Variants in BLOC1S5 observed in about 807,000 individuals in gnomAD.
BLOC1S5 encodes the protein biogenesis of lysosomal organelles complex 1 subunit 5, also known as biogenesis of lysosome-related organelles complex 1 subunit 5.
In BLOC1S5, 27 loss-of-function variants were observed where a neutral mutation model predicts 24.3. That is an observed-to-expected ratio of 1.11 (90% CI 0.82 to 1.53). The LOEUF is 1.53. Ranked by LOEUF, BLOC1S5 falls within the 40% of genes most tolerant of loss-of-function variation. BLOC1S5 has a pLI of 0.00. For synonymous variants in BLOC1S5, 84 were observed against 74.5 expected (o/e 1.13, Z -0.66); for missense variants, 239 against 229.4 (o/e 1.04, Z -0.27).
chr6:8,019,562 G>A (rs944486638), intron 4 of BLOC1S5, among the ~76,000 whole-genome samples: 3 of 143,562 alleles, frequency 2.1e-5, no homozygotes, highest in Non-Finnish European at 4.6e-5. Flanking sequence ...AGCCACCGGC[G>A]CCCGGCCCAT....
At chr6:8,018,245 A>G (rs1762808715) in intron 4 of BLOC1S5, among the ~76,000 whole-genome samples, 1 of 152,238 alleles carries the variant, frequency 6.6e-6, no homozygotes, top group South Asian at 2.1e-4. Context: ...TGAAGAGTTT[A>G]TTAAATCTTC....
At chr6:8,030,271 T>C (rs147904901) in intron 3 of BLOC1S5, among the ~76,000 whole-genome samples, 5,939 of 152,078 alleles carry the variant, frequency 0.039, 369 homozygotes, top group African/African-American at 0.13. Flanking sequence ...GCGATTCTCC[T>C]GCCTCAGCCT....
intron 1 of BLOC1S5, 23 bp downstream of exon 1, chr6:8,064,242 A>G (rs115481281): frequency 0.02 from 31,546 of 1,589,602 alleles, 435 homozygotes; most frequent in South Asian, 0.052. Flanking sequence ...TCCACCAGGA[A>G]CTATAGCCCT....
chr6:8,054,108 T>C (rs994602220), intron 2 of BLOC1S5, among the ~76,000 whole-genome samples: 4 of 152,222 alleles, frequency 2.6e-5, no homozygotes, highest in Admixed American at 2.0e-4. Flanking sequence ...TGACTGTTTA[T>C]TGGTTTCCTA....
chr6:8,020,196 A>T (rs367746713), intron 4 of BLOC1S5, among the ~76,000 whole-genome samples: 1 of 152,206 alleles, frequency 6.6e-6, no homozygotes. Flanking sequence ...AGTCATGGTG[A>T]CAGAAGACAA....
intron 3 of BLOC1S5, among the ~76,000 whole-genome samples, chr6:8,040,667 C>T (rs1247566712): frequency 6.6e-6 from 1 of 152,034 alleles, no homozygotes; most frequent in Non-Finnish European, 1.5e-5. Context: ...ACCACCTTGG[C>T]CAACATGGTG....
chr6:8,020,623 C>A (rs1762886141), intron 4 of BLOC1S5, among the ~76,000 whole-genome samples: 1 of 152,182 alleles, frequency 6.6e-6, no homozygotes, highest in Non-Finnish European at 1.5e-5. Flanking sequence ...CCTAAAACTT[C>A]TGAGTGAGGC....
intron 2 of BLOC1S5, among the ~76,000 whole-genome samples, chr6:8,049,153 A>G (rs1271167256): frequency 6.7e-6 from 1 of 148,266 alleles, no homozygotes; most frequent in Non-Finnish European, 1.5e-5. Context: ...GGCAGATCAC[A>G]TGAGGTCAGG....
At chr6:8,031,493 T>C (rs1056375900) in intron 3 of BLOC1S5, among the ~76,000 whole-genome samples, 2 of 151,900 alleles carry the variant, frequency 1.3e-5, no homozygotes, top group African/African-American at 4.8e-5. Context: ...TGGAAATACA[T>C]CCCATGCTCA....
At chr6:8,032,849 C>G (rs1490076741) in intron 3 of BLOC1S5, among the ~76,000 whole-genome samples, 1 of 152,014 alleles carries the variant, frequency 6.6e-6, no homozygotes, top group Non-Finnish European at 1.5e-5. Flanking sequence ...AAACAGAGAG[C>G]CAAATCATGA....
At chr6:8,016,818 T>C (rs1461685231) in intron 4 of BLOC1S5, among the ~76,000 whole-genome samples, 4 of 145,428 alleles carry the variant, frequency 2.8e-5, no homozygotes, top group Non-Finnish European at 4.5e-5. Flanking sequence ...GAGACAGAGG[T>C]TGCAGTGAGA....
chr6:8,053,657 A>G (rs1314104576), intron 2 of BLOC1S5, among the ~76,000 whole-genome samples: 6 of 152,224 alleles, frequency 3.9e-5, no homozygotes, highest in Non-Finnish European at 1.5e-5. Flanking sequence ...TATTCACGTC[A>G]TTGCAGAGGC....
chr6:8,015,913 C>T, intron 4 of BLOC1S5, 85 bp from the exon 5 acceptor site: 1 of 1,264,094 alleles, frequency 7.9e-7, no homozygotes, highest in Non-Finnish European at 1.1e-6. Context: ...GTTACCGTAA[C>T]AATCAGCTGG....
At chr6:8,033,620 A>T (rs868195637) in intron 3 of BLOC1S5, among the ~76,000 whole-genome samples, 77 of 152,180 alleles carry the variant, frequency 5.1e-4, no homozygotes, top group African/African-American at 1.8e-3. Flanking sequence ...AAGCCAAAAT[A>T]GACAAATGGG....
Position 8,015,673 on chromosome 6 carries a change from G to C in BLOC1S5, c.540C>G (p.Asp180Glu). The C allele has an allele frequency of 6.2e-7, 1 of 1,613,000 alleles. No homozygotes were observed. Among genetic ancestry groups the C allele is most frequent in the East Asian group, 2.2e-5 (1 of 44,868 alleles). The change falls in exon 5 of 5, where the codon GAC (aspartate) becomes GAG (glutamate). Residue 180 changes from aspartate (D) to glutamate (E), a missense_variant. Transcript: ENST00000397457. ...CTTAAAAGGTTGAAAATTTCGCTAG[G>C]TCCTTCTCCATCTCAGCATATTGTT... ...LKEQYAEMEK[D>E]LAKFSTF
At chr6:8,021,350 G>A (rs1295094493) in intron 4 of BLOC1S5, among the ~76,000 whole-genome samples, 1 of 152,228 alleles carries the variant, frequency 6.6e-6, no homozygotes, top group Non-Finnish European at 1.5e-5. Context: ...TGTAATTCCA[G>A]CACTTTGGGA....
At chr6:8,018,311 A>C (rs1762810078) in intron 4 of BLOC1S5, among the ~76,000 whole-genome samples, 1 of 152,254 alleles carries the variant, frequency 6.6e-6, no homozygotes, top group Non-Finnish European at 1.5e-5. Flanking sequence ...CAGTCAGACT[A>C]GAAAAAGAAA....
intron 3 of BLOC1S5, among the ~76,000 whole-genome samples, chr6:8,040,717 A>T (rs185921321): frequency 1.1e-4 from 16 of 152,206 alleles, no homozygotes; most frequent in Admixed American, 1.0e-3. Flanking sequence ...TTAGCCAGGC[A>T]TGGTGAGACG....
intron 4 of BLOC1S5, among the ~76,000 whole-genome samples, chr6:8,023,586 T>C (rs1167470767): frequency 1.6e-5 from 2 of 124,150 alleles, no homozygotes; most frequent in Admixed American, 1.6e-4. Context: ...TGAGACTCCA[T>C]CTCAAAAAAA....
Sources: gnomAD v4.1 joint callset for allele counts (sites outside exome capture counted in the v4.1 genomes callset) on GRCh38, gnomAD v4.1.1 for gene constraint, MANE v1.5 for transcripts, NCBI Gene and HGNC (gene_info 2026-07-23, HGNC 2026-07-21) for gene names.